Variants in FBRSL1 observed in about 807,000 individuals in gnomAD.
The protein encoded by FBRSL1 is fibrosin like 1.
In FBRSL1, 51 loss-of-function variants were observed where a neutral mutation model predicts 89.6. That is an observed-to-expected ratio of 0.57 (90% confidence interval 0.45 to 0.72). The LOEUF is 0.72. Ranked by LOEUF, FBRSL1 falls within the 30% of genes least tolerant of loss-of-function variation. The probability of loss-of-function intolerance (pLI) is 0.00; values close to 1 mark genes in which losing one functional copy is unlikely to be tolerated. For synonymous variants in FBRSL1, 779 were observed against 681.1 expected, an observed-to-expected ratio of 1.14 and a Z score of -2.24; for missense variants, 1,618 against 1,451.8, an observed-to-expected ratio of 1.11 and a Z score of -1.86.
chr12:132,525,504 G>A (rs1464493994), intron 2 of FBRSL1, among the ~76,000 whole-genome samples: 2 of 152,310 alleles, frequency 1.3e-5, no homozygotes, highest in Non-Finnish European at 2.9e-5. Context: ...GCTGTCAGCT[G>A]GGATGGCATT....
At chr12:132,512,345 C>T (rs2034440148) in intron 2 of FBRSL1, among the ~76,000 whole-genome samples, 1 of 152,256 alleles carries the variant, frequency 6.6e-6, no homozygotes, top group Non-Finnish European at 1.5e-5. Flanking sequence ...TGGTTCAGCC[C>T]AGCATCCTCT....
intron 5 of FBRSL1, among the ~76,000 whole-genome samples, chr12:132,561,491 G>A (rs1221402369): frequency 6.6e-6 from 1 of 152,184 alleles, no homozygotes; most frequent in African/African-American, 2.4e-5. Context: ...GACGAGGGCC[G>A]GCTTTGGGGG....
intron 5 of FBRSL1, among the ~76,000 whole-genome samples, chr12:132,562,689 G>T (rs538850311): frequency 2.0e-5 from 3 of 152,236 alleles, no homozygotes; most frequent in Non-Finnish European, 4.4e-5. Context: ...CCCAACCGCT[G>T]CTCCTTTCCG....
At position 132,546,243 on chromosome 12, in the gene FBRSL1, A is replaced by C. The variant is rs1329106168; in HGVS notation, c.616-1760A>C. On this transcript the variant is annotated intron_variant, in intron 4 of 18. Coordinates refer to ENST00000680143, the MANE Select transcript of FBRSL1 (RefSeq NM_001367871.1). This position sits in a 1 kb window ranked among gnomAD's most constrained non-coding sequence, Gnocchi z 4.0. ...CACCAAGGCCCGCCCATATCACAGC[A>C]GGGGAGATGGAGGACTCAGAGGCCC... Among the ~76,000 whole-genome samples, 1 of 152,234 alleles carries C rather than the reference A, an allele frequency of 6.6e-6. No homozygotes were observed. The highest frequency in any genetic ancestry group is 1.5e-5 in the Non-Finnish European group (1 of 68,040).
chr12:132,490,935 G>C, intron 1 of FBRSL1, 74 bp downstream of exon 1: 1 of 1,079,786 alleles, frequency 9.3e-7, no homozygotes, highest in Non-Finnish European at 1.2e-6. Flanking sequence ...GGGCGATCCC[G>C]GGACCCCTGG....
chr12:132,522,805 T>TGA (rs1378127594), intron 2 of FBRSL1, among the ~76,000 whole-genome samples: 3 of 152,226 alleles, frequency 2.0e-5, no homozygotes, highest in Non-Finnish European at 2.9e-5. Flanking sequence ...GGGCCGTTGG[T>TGA]GCCGTCAGTG....
Position 132,581,744 on chromosome 12 carries a change from C to T in FBRSL1, c.1916C>T (p.Pro639Leu). Residue 639 changes from proline to leucine, a missense_variant, in exon 17 of 19, where the codon CCT becomes CTT. Pro to Leu is a moderately conservative substitution (Grantham distance 98). Coordinates refer to ENST00000680143, the MANE Select transcript of FBRSL1 (RefSeq NM_001367871.1). ...GGTCCCGCGGTTGCCCCCACAGACC[C>T]TTTCAGCAGACCGAGCACCTTTGGG... ...SFLPTGPLTDPFSRPSTFGGL... is the reference protein window; with the variant it reads ...SFLPTGPLTDLFSRPSTFGGL... The T allele has an allele frequency of 6.5e-7, 1 of 1,550,158 alleles. No individual in the cohort carries two copies. The highest frequency in any genetic ancestry group is 1.4e-5 in the African/African-American group (1 of 73,174).
At position 132,509,510 on chromosome 12, in the gene FBRSL1, G is replaced by T. The variant is rs1593280145; in HGVS notation, c.489+1160G>T. The T allele has an allele frequency of 5.7e-6, 7 of 1,236,170 alleles. No homozygotes were observed. The East Asian group carries it at 9.5e-5, about 17-fold the overall frequency. The allele number at this position is 1,236,170 out of a possible 1,614,324, so 76.6% of individuals were successfully genotyped here. A position where few individuals can be genotyped will look rare whatever the true frequency, so the allele number is the denominator to read the frequency against. ...CACGCCCGGCCCAGCCCTGCCGGCC[G>T]CATTGGGCACTCCCAGGCCCCAGGC... On this transcript the variant is annotated intron_variant, in intron 2 of 18. Transcript: ENST00000680143.
intron 2 of FBRSL1, among the ~76,000 whole-genome samples, chr12:132,522,771 A>G (rs899623690): frequency 3.3e-5 from 5 of 152,262 alleles, no homozygotes; most frequent in South Asian, 2.1e-4. Flanking sequence ...GAGGAGGGCA[A>G]CTCAGGGCTG....
chr12:132,506,887 A>G (rs1200357788), intron 1 of FBRSL1: 4 of 152,452 alleles, frequency 2.6e-5, no homozygotes, highest in Non-Finnish European at 5.9e-5. Context: ...GGAGCCGGAA[A>G]CAGCAAAGAG....
chr12:132,550,689 CGAGA>C (rs1313033814), intron 5 of FBRSL1: 1 of 152,652 alleles, frequency 6.6e-6, no homozygotes, highest in Non-Finnish European at 1.5e-5. Context: ...TGCAGCGGAG[CGAGA>C]GAGAGGAGCC....
At chr12:132,574,453 G>A (rs1283745513) in intron 13 of FBRSL1, 40 bp from the exon 14 acceptor site, 1 of 1,548,860 alleles carries the variant, frequency 6.5e-7, no homozygotes, top group Non-Finnish European at 8.7e-7. Context: ...CATGGGTGGG[G>A]GTGGCACCAG....
At chr12:132,526,216 C>T (rs941568297) in intron 3 of FBRSL1, among the ~76,000 whole-genome samples, 3 of 152,228 alleles carry the variant, frequency 2.0e-5, no homozygotes, top group Admixed American at 6.5e-5. Flanking sequence ...GGCAGGCGGA[C>T]GGCCGCCGAG....
chr12:132,553,271 C>T (rs949468571), intron 5 of FBRSL1: 4 of 152,468 alleles, frequency 2.6e-5, no homozygotes, highest in African/African-American at 9.6e-5. Flanking sequence ...GGGGTGACCT[C>T]ACAGGGTGTG....
chr12:132,551,766 G>C (rs534102750), intron 5 of FBRSL1: 2 of 361,000 alleles, frequency 5.5e-6, no homozygotes, highest in African/African-American at 2.1e-5. Context: ...GGCAGCTGAC[G>C]GGAGGCTCGG....
chr12:132,509,496 C>A, intron 2 of FBRSL1: 2 of 1,238,686 alleles, frequency 1.6e-6, no homozygotes, highest in Non-Finnish European at 2.0e-6. Flanking sequence ...ACGCCCGGCC[C>A]AGCCCTGCCG....
chr12:132,573,441 A>G (rs2040178097), intron 11 of FBRSL1, among the ~76,000 whole-genome samples: 1 of 152,122 alleles, frequency 6.6e-6, no homozygotes, highest in Non-Finnish European at 1.5e-5. Context: ...CCCGTGGTTG[A>G]GGAATTCAGA....
chr12:132,561,320 A>G (rs1356717914), intron 5 of FBRSL1, among the ~76,000 whole-genome samples: 1 of 152,134 alleles, frequency 6.6e-6, no homozygotes, highest in Non-Finnish European at 1.5e-5. Context: ...CCTTCCTTGC[A>G]GCCCTCTTGG....
chr12:132,535,434 T>C (rs2036627780), intron 4 of FBRSL1, among the ~76,000 whole-genome samples: 1 of 152,222 alleles, frequency 6.6e-6, no homozygotes, highest in South Asian at 2.1e-4. Flanking sequence ...AAAGAAACAC[T>C]GGTGAGGCCT....
Sources: allele counts gnomAD v4.1 joint callset (sites outside exome capture counted in the v4.1 genomes callset), GRCh38; gene constraint gnomAD v4.1.1; non-coding constraint Gnocchi (gnomAD v3.1); transcripts MANE v1.5; gene names NCBI Gene and HGNC (gene_info 2026-07-23, HGNC 2026-07-21).